MYO1E: variants seen among roughly 807,000 people sequenced by gnomAD.
The protein encoded by MYO1E is myosin IE.
MYO1E carries 68 observed loss-of-function variants against 151.1 expected under a neutral mutation model. The observed-to-expected ratio is 0.45, with a 90% CI of 0.37 to 0.55. The LOEUF is 0.55. Ranked by LOEUF, MYO1E falls within the 20% of genes least tolerant of loss-of-function variation. The probability of loss-of-function intolerance (pLI) is 0.00; values close to 1 mark genes in which losing one functional copy is unlikely to be tolerated. For missense variants in MYO1E, 1,363 were observed against 1,389.3 expected, an observed-to-expected ratio of 0.98 and a Z score of 0.30; for synonymous variants, 601 against 501.7, an observed-to-expected ratio of 1.20 and a Z score of -2.64.
chr15:59,296,574 G>A (rs879196627), intron 1 of MYO1E, among the ~76,000 whole-genome samples: 3 of 152,276 alleles, frequency 2.0e-5, no homozygotes, highest in Admixed American at 6.5e-5. Flanking sequence ...CAGTCGGGAC[G>A]TGCTGGTAGG....
intron 1 of MYO1E, among the ~76,000 whole-genome samples, chr15:59,313,804 G>C (rs1337920591): frequency 2.6e-5 from 4 of 152,210 alleles, no homozygotes; most frequent in African/African-American, 9.7e-5. Flanking sequence ...GGAGGGGGAA[G>C]TTCCCTGGAA....
At chr15:59,237,505 A>G (rs1057306139) in intron 4 of MYO1E, among the ~76,000 whole-genome samples, 71 of 152,370 alleles carry the variant, frequency 4.7e-4, no homozygotes, top group African/African-American at 1.6e-3. Context: ...TGCTTAAGTC[A>G]GTCAGATTTT....
intron 16 of MYO1E, 94 bp from the exon 17 acceptor site, chr15:59,195,661 T>G (rs2079762126): frequency 2.6e-6 from 3 of 1,141,804 alleles, no homozygotes; most frequent in Middle Eastern, 1.9e-4. Context: ...TAGAAATACA[T>G]AGCTAGGAAT....
intron 1 of MYO1E, among the ~76,000 whole-genome samples, chr15:59,295,982 A>G (rs1239586776): frequency 1.3e-5 from 2 of 152,220 alleles, no homozygotes; most frequent in Admixed American, 6.5e-5. Flanking sequence ...GGAGGGAACC[A>G]GAACCAGCAG....
intron 22 of MYO1E, among the ~76,000 whole-genome samples, chr15:59,164,656 A>G (rs1476021140): frequency 1.3e-5 from 2 of 152,190 alleles, no homozygotes; most frequent in African/African-American, 4.8e-5. Context: ...CTCCTGTGGT[A>G]TCCCTGTTCA....
intron 20 of MYO1E, 65 bp from the exon 21 acceptor site, chr15:59,173,980 T>C: frequency 6.4e-7 from 1 of 1,563,290 alleles, no homozygotes; most frequent in Non-Finnish European, 8.8e-7. Flanking sequence ...AGGAAAATAC[T>C]GTGGAAATAT....
intron 6 of MYO1E, among the ~76,000 whole-genome samples, chr15:59,229,739 G>A (rs1451827318): frequency 6.6e-6 from 1 of 151,878 alleles, no homozygotes; most frequent in African/African-American, 2.4e-5. Flanking sequence ...TAATACCTGT[G>A]CATTTTTTAA....
At chr15:59,359,766 A>G (rs1334858465) in intron 1 of MYO1E, 1 of 152,248 alleles carries the variant, frequency 6.6e-6, no homozygotes, top group African/African-American at 2.4e-5. Context: ...GAATGCCAAG[A>G]TATCACTGCC....
At chr15:59,147,382 T>G (rs1389652793) in intron 26 of MYO1E, among the ~76,000 whole-genome samples, 1 of 151,942 alleles carries the variant, frequency 6.6e-6, no homozygotes, top group Non-Finnish European at 1.5e-5. Context: ...GGCGGATCAC[T>G]TGAGGCCAGG....
Position 59,163,108 on chromosome 15 carries a change from A to G in MYO1E, c.2627+49T>C, listed in dbSNP as rs1426189160. On this transcript the variant is annotated intron_variant, in intron 23 of 27. Coordinates refer to ENST00000288235, the MANE Select transcript of MYO1E (RefSeq NM_004998.4). ...CCTGAATCGCAGGGGTGCGATCAAG[A>G]CCCCTTTTTAGCTACACGCAGAAGT... 3.1e-6 allele frequency: 5 copies of G among 1,606,346 alleles called. No individual in the cohort carries two copies. In the African/African-American group the frequency reaches 4.0e-5, roughly 13 times the overall value.
At chr15:59,239,232 TA>T (rs199867294) in intron 4 of MYO1E, among the ~76,000 whole-genome samples, 10,375 of 98,968 alleles carry the variant, frequency 0.1, 494 homozygotes, top group East Asian at 0.15. Flanking sequence ...ATATTTTTTT[TA>T]TTTTTTAAAA....
In MYO1E at chr15:59,310,569, A is replaced by T. The variant is rs915064895; in HGVS notation, c.4-38120T>A. Among the ~76,000 whole-genome samples, 5 of 152,214 alleles carry T rather than the reference A, an allele frequency of 3.3e-5. No homozygotes were observed. In the East Asian group the frequency reaches 9.6e-4, roughly 29 times the overall value. On this transcript the variant is annotated intron_variant, in intron 1 of 27. Transcript: ENST00000288235. ...GCAACACTAGAAGCTGAGCAAAAGC[A>T]TGGAACAGAATCTCCCCAACCTTCG... is the stretch of plus-strand genomic sequence containing the variant.
chr15:59,310,316 T>C (rs1374619678), intron 1 of MYO1E, among the ~76,000 whole-genome samples: 1 of 152,204 alleles, frequency 6.6e-6, no homozygotes, highest in African/African-American at 2.4e-5. Flanking sequence ...AAAAGACATG[T>C]TGAAGTCCTA....
intron 1 of MYO1E, among the ~76,000 whole-genome samples, chr15:59,308,034 T>C (rs1168503240): frequency 1.0e-4 from 15 of 149,124 alleles, no homozygotes; most frequent in Admixed American, 4.0e-4. Flanking sequence ...CTGGCCAACA[T>C]GGTGAAACCC....
At chr15:59,226,365 A>G (rs1435635739) in intron 7 of MYO1E, among the ~76,000 whole-genome samples, 1 of 152,250 alleles carries the variant, frequency 6.6e-6, no homozygotes, top group Non-Finnish European at 1.5e-5. Flanking sequence ...ATGAAACAAA[A>G]CAAAACAAAA....
At chr15:59,267,557 G>A (rs1237528998) in intron 2 of MYO1E, among the ~76,000 whole-genome samples, 14 of 152,154 alleles carry the variant, frequency 9.2e-5, no homozygotes, top group Admixed American at 4.6e-4. Flanking sequence ...GACCTCACTC[G>A]GAACAACTAC....
At chr15:59,163,822 G>C (rs909126460) in intron 22 of MYO1E, among the ~76,000 whole-genome samples, 5 of 152,182 alleles carry the variant, frequency 3.3e-5, no homozygotes, top group African/African-American at 1.2e-4. Flanking sequence ...AGAACCTTCT[G>C]GCAAACAGTG....
chr15:59,203,967 C>T (rs750358523), intron 15 of MYO1E, among the ~76,000 whole-genome samples: 1 of 152,208 alleles, frequency 6.6e-6, no homozygotes, highest in East Asian at 1.9e-4. Context: ...TGACCAGATA[C>T]AACTACAGAT....
At position 59,253,569 on chromosome 15, in the gene MYO1E, C is replaced by T. The variant is rs148893477; in HGVS notation, c.332+2715G>A. Among the ~76,000 whole-genome samples the T allele has an allele frequency of 4.0e-3, 589 of 147,636 alleles. 4 individuals are homozygous for T. Among genetic ancestry groups the T allele is most frequent in the African/African-American group, 0.014 (546 of 40,106 alleles). On this transcript the variant is annotated intron_variant, in intron 4 of 27. Transcript: ENST00000288235. ...CAATCTCAGCTCACTGAAAACTCTG[C>T]TTCCTGGGTTCAAGCGATTTCCCTG...
Sources: gnomAD v4.1 joint callset for allele counts (sites outside exome capture counted in the v4.1 genomes callset) on GRCh38, gnomAD v4.1.1 for gene constraint, MANE v1.5 for transcripts, NCBI Gene and HGNC (gene_info 2026-07-23, HGNC 2026-07-21) for gene names.